Variants in TMEM50B observed in about 807,000 individuals in gnomAD.
The protein encoded by TMEM50B is HCV p7-trans-regulated protein 3.
A neutral mutation model predicts 23.4 loss-of-function variants in TMEM50B; 14 were observed. The observed-to-expected ratio is 0.60, with a 90% confidence interval of 0.39 to 0.93. The LOEUF is 0.93. TMEM50B is among the 40% of genes least tolerant of loss of function. The pLI is 0.00. For missense variants in TMEM50B, 159 were observed against 193.0 expected (o/e 0.82, Z 1.04); for synonymous variants, 64 against 62.3 (o/e 1.03, Z -0.13).
At chr21:33,432,541 C>A in exon 9 of TMEM50B, 1 of 869,896 alleles carries the variant, frequency 1.1e-6, no homozygotes, top group Non-Finnish European at 1.9e-6. Flanking sequence ...TATTTCATTA[C>A]AGGATTGACT....
intron 5 of TMEM50B, among the ~76,000 whole-genome samples, chr21:33,456,957 T>C (rs2084173643): frequency 6.6e-6 from 1 of 152,178 alleles, no homozygotes; most frequent in Non-Finnish European, 1.5e-5. Flanking sequence ...ACTTTACAAA[T>C]AGAAAAGTAT....
intron 1 of TMEM50B, chr21:33,469,727 T>C (rs1177343264): frequency 6.6e-6 from 1 of 152,186 alleles, no homozygotes; most frequent in Admixed American, 6.5e-5. Flanking sequence ...ACAGTTACAG[T>C]TGAGGTCCCA....
intron 6 of TMEM50B, among the ~76,000 whole-genome samples, chr21:33,454,981 G>A (rs1311957611): frequency 6.6e-6 from 1 of 152,070 alleles, no homozygotes; most frequent in Non-Finnish European, 1.5e-5. Context: ...GCTGGGTGTG[G>A]TGGTGTGCAC....
At chr21:33,456,057 G>C (rs1467341189) in intron 5 of TMEM50B, 3 of 651,370 alleles carry the variant, frequency 4.6e-6, no homozygotes, top group Non-Finnish European at 8.7e-6. Flanking sequence ...CAAAACTGCT[G>C]AGGAAGCAGT....
At chr21:33,451,604 G>A (rs2084120774) in intron 6 of TMEM50B, among the ~76,000 whole-genome samples, 1 of 152,064 alleles carries the variant, frequency 6.6e-6, no homozygotes, top group South Asian at 2.1e-4. Context: ...GGATAAGGAG[G>A]CGGGAGCAGA....
intron 6 of TMEM50B, among the ~76,000 whole-genome samples, chr21:33,454,954 T>G (rs1349801490): frequency 6.6e-6 from 1 of 151,966 alleles, no homozygotes; most frequent in East Asian, 1.9e-4. Flanking sequence ...TCGTCTCTAC[T>G]AAAATACAAA....
chr21:33,467,783 T>C (rs563345218), intron 2 of TMEM50B, among the ~76,000 whole-genome samples: 1 of 152,322 alleles, frequency 6.6e-6, no homozygotes, highest in African/African-American at 2.4e-5. Context: ...CGTTAGTTCT[T>C]GCTCTGCTTC....
At chr21:33,447,689 C>A (rs2084076027), downstream of TMEM50B, among the ~76,000 whole-genome samples, 1 of 93,090 alleles carries the variant, frequency 1.1e-5, no homozygotes, top group African/African-American at 5.1e-5. Flanking sequence ...AATACACACA[C>A]ACACACACAC....
At chr21:33,478,241 C>A (rs751094982) in intron 1 of TMEM50B, among the ~76,000 whole-genome samples, 2 of 151,894 alleles carry the variant, frequency 1.3e-5, no homozygotes, top group Non-Finnish European at 2.9e-5. Flanking sequence ...CCGAGGCAAG[C>A]GGATCACTTG....
intron 1 of TMEM50B, among the ~76,000 whole-genome samples, chr21:33,473,424 G>A (rs937836297): frequency 7.0e-6 from 1 of 142,694 alleles, no homozygotes; most frequent in Non-Finnish European, 1.5e-5. Flanking sequence ...CTGCACTCCA[G>A]CCTGGGCAAA....
At chr21:33,479,362 G>A (rs2084405041) in intron 1 of TMEM50B, 1 of 152,388 alleles carries the variant, frequency 6.6e-6, no homozygotes, top group South Asian at 2.1e-4. Context: ...TCCTAGCAAT[G>A]GTTCGGGGCA....
intron 7 of TMEM50B, among the ~76,000 whole-genome samples, chr21:33,443,895 TTTTTTTG>T (rs538856100): frequency 0.13 from 14,283 of 107,388 alleles, 888 homozygotes; most frequent in Non-Finnish European, 0.15. Flanking sequence ...CTTTGTGGTT[TTTTTTTG>T]TTTGTTTGTT....
chr21:33,470,424 CAAAAA>C (rs71194848), intron 1 of TMEM50B, among the ~76,000 whole-genome samples: 1 of 65,966 alleles, frequency 1.5e-5, no homozygotes, highest in South Asian at 6.2e-4. Flanking sequence ...GACTGTGTCT[CAAAAA>C]AAAAAAAAAA....
In TMEM50B at chr21:33,436,925, C is replaced by T. The variant is rs202237583; in HGVS notation, c.*2120+2289G>A. 2.6e-5 allele frequency: 42 copies of T among 1,613,936 alleles called. No individual in the cohort carries two copies. The highest frequency in any genetic ancestry group is 3.2e-5 in the Non-Finnish European group (38 of 1,179,972). Reference sequence around the variant, plus strand: ...GACTCTGTGTCCATTATCTCGTTTCCGGAAAAGGAGCAAGAAGATGTTCTC... The same window carrying T: ...GACTCTGTGTCCATTATCTCGTTTCTGGAAAAGGAGCAAGAAGATGTTCTC... On this transcript the variant is annotated intron_variant and NMD_transcript_variant, in intron 8 of 8. Coordinates refer to the TMEM50B transcript ENST00000420455.
chr21:33,464,303 T>C (rs940434237), intron 4 of TMEM50B, among the ~76,000 whole-genome samples: 1 of 151,624 alleles, frequency 6.6e-6, no homozygotes, highest in Non-Finnish European at 1.5e-5. Flanking sequence ...GTTCAAGCGA[T>C]TCTCTTGCCT....
chr21:33,450,604 A>G lies in TMEM50B; in HGVS notation c.*214T>C, dbSNP rs1392024312. 1 of 422,818 alleles carries G rather than the reference A, an allele frequency of 2.4e-6. No homozygotes were observed. The highest frequency in any genetic ancestry group is 4.3e-6 in the Non-Finnish European group (1 of 233,420). The allele number at this position is 422,818 out of a possible 1,614,324, so 26.2% of individuals were successfully genotyped here. A position where few individuals can be genotyped will look rare whatever the true frequency, so the allele number is the denominator to read the frequency against. ...ATAAAAAACTGATACTCATTATCCA[A>G]TTCATATAGTCTTGTATTATATACA... On this transcript the variant is annotated 3_prime_UTR_variant, in exon 7 of 7. Transcript: ENST00000542230.
At chr21:33,459,640 C>G (rs998261929) in intron 5 of TMEM50B, among the ~76,000 whole-genome samples, 1 of 148,984 alleles carries the variant, frequency 6.7e-6, no homozygotes, top group East Asian at 2.0e-4. Context: ...TGCACTCCAT[C>G]CTGGGTGACA....
chr21:33,448,865 C>T (rs2084090809), downstream of TMEM50B: 1 of 151,148 alleles, frequency 6.6e-6, no homozygotes, highest in Non-Finnish European at 1.5e-5. Flanking sequence ...TGTGGTTGCA[C>T]CACTGCACTC....
intron 8 of TMEM50B, among the ~76,000 whole-genome samples, chr21:33,435,991 G>A (rs776827609): frequency 6.6e-6 from 1 of 151,878 alleles, no homozygotes; most frequent in Non-Finnish European, 1.5e-5. Context: ...AACCCAGGAG[G>A]CGGAAGTTGC....
Sources: gnomAD v4.1 joint callset for allele counts (sites outside exome capture counted in the v4.1 genomes callset) on GRCh38, gnomAD v4.1.1 for gene constraint, MANE v1.5 for transcripts, NCBI Gene and HGNC (gene_info 2026-07-23, HGNC 2026-07-21) for gene names.